The following KCNT2 variants were observed in gnomAD, a reference collection of about 807,000 sequenced individuals.
The protein encoded by KCNT2 is potassium sodium-activated channel subfamily T member 2.
Under a neutral mutation model 153.8 loss-of-function variants are expected in KCNT2, and 67 were observed. The observed-to-expected ratio is 0.44, with a 90% confidence interval of 0.36 to 0.53. The LOEUF (loss-of-function observed/expected upper bound fraction) is 0.53, where lower values mean the gene tolerates loss of function less well. KCNT2 is among the 20% of genes least tolerant of loss of function. KCNT2 has a pLI of 0.00. For synonymous variants in KCNT2, 500 were observed against 458.8 expected (o/e 1.09, Z -1.15); for missense variants, 975 against 1,354.8 (o/e 0.72, Z 4.40).
At chr1:196,408,324 T>C (rs1372567563) in intron 12 of KCNT2, among the ~76,000 whole-genome samples, 1 of 151,602 alleles carries the variant, frequency 6.6e-6, no homozygotes, top group African/African-American at 2.4e-5. Flanking sequence ...TTGCCATCTT[T>C]GGTAGATATT....
intron 1 of KCNT2, among the ~76,000 whole-genome samples, chr1:196,505,915 AT>A: frequency 6.6e-6 from 1 of 152,170 alleles, no homozygotes; most frequent in Non-Finnish European, 1.5e-5. Context: ...AATGCTTGTG[AT>A]TTTTGTACGT....
chr1:196,419,644 A>G (rs1342375710), intron 12 of KCNT2, among the ~76,000 whole-genome samples: 1 of 151,942 alleles, frequency 6.6e-6, no homozygotes, highest in African/African-American at 2.4e-5. Flanking sequence ...TTACTAGACC[A>G]AACTTTTGCC....
At chr1:196,356,190 C>A (rs1007255154) in intron 14 of KCNT2, among the ~76,000 whole-genome samples, 24 of 151,632 alleles carry the variant, frequency 1.6e-4, no homozygotes, top group African/African-American at 5.6e-4. Flanking sequence ...TAATTCTTAC[C>A]ATAACTAAAA....
intron 11 of KCNT2, among the ~76,000 whole-genome samples, chr1:196,424,875 C>G (rs1413773854): frequency 2.0e-5 from 3 of 151,596 alleles, no homozygotes; most frequent in Non-Finnish European, 4.4e-5. Context: ...TAGACAGACA[C>G]ACACACACAC....
intron 22 of KCNT2, among the ~76,000 whole-genome samples, chr1:196,288,439 TAA>T (rs558452543): frequency 2.6e-5 from 4 of 152,192 alleles, no homozygotes; most frequent in African/African-American, 7.2e-5. Flanking sequence ...GGGGAAAAAC[TAA>T]AGTGTTTTTA....
chr1:196,295,293 G>A (rs1336654262), intron 22 of KCNT2, among the ~76,000 whole-genome samples: 3 of 151,716 alleles, frequency 2.0e-5, no homozygotes, highest in African/African-American at 7.3e-5. Context: ...TCTTTCTTGT[G>A]CTTTTATAAA....
chr1:196,243,182 T>G (rs953258058), intron 26 of KCNT2, among the ~76,000 whole-genome samples: 1 of 152,332 alleles, frequency 6.6e-6, no homozygotes, highest in Non-Finnish European at 1.5e-5. Context: ...GCTGAATCCA[T>G]GTTATTGCAT....
At chr1:196,546,467 A>C (rs1419592957) in intron 1 of KCNT2, among the ~76,000 whole-genome samples, 14 of 152,178 alleles carry the variant, frequency 9.2e-5, no homozygotes, top group African/African-American at 3.4e-4. Flanking sequence ...TTATCAACAG[A>C]TGGACACCTT....
intron 14 of KCNT2, among the ~76,000 whole-genome samples, chr1:196,367,257 A>G (rs1316716872): frequency 6.6e-6 from 1 of 152,190 alleles, no homozygotes. Flanking sequence ...TAACTATACC[A>G]TAGGTATACG....
At chr1:196,411,142 C>T (rs1204839562) in intron 12 of KCNT2, among the ~76,000 whole-genome samples, 14 of 142,386 alleles carry the variant, frequency 9.8e-5, no homozygotes, top group African/African-American at 3.4e-4. Flanking sequence ...TCCTACCTCC[C>T]TTCCTTCCTT....
At chr1:196,297,753 T>C (rs1236728980) in intron 22 of KCNT2, among the ~76,000 whole-genome samples, 1 of 152,164 alleles carries the variant, frequency 6.6e-6, no homozygotes, top group Non-Finnish European at 1.5e-5. Flanking sequence ...AGCACCAAAC[T>C]CCCACTCAGC....
intron 13 of KCNT2, among the ~76,000 whole-genome samples, chr1:196,391,560 A>G (rs949544628): frequency 1.3e-5 from 2 of 151,390 alleles, no homozygotes; most frequent in Non-Finnish European, 3.0e-5. Context: ...ACAAAAGATT[A>G]TTTTAGTTAA....
chr1:196,385,236 T>G (rs958036893), intron 13 of KCNT2, among the ~76,000 whole-genome samples: 5 of 152,094 alleles, frequency 3.3e-5, no homozygotes, highest in Non-Finnish European at 7.4e-5. Context: ...ATCAGCAGAT[T>G]CCAAAAATAA....
intron 13 of KCNT2, among the ~76,000 whole-genome samples, chr1:196,376,862 C>T (rs554148793): frequency 4.3e-4 from 66 of 152,078 alleles, no homozygotes; most frequent in Admixed American, 2.6e-3. Flanking sequence ...CACATAAACA[C>T]TGTCACAAGT....
chr1:196,426,679 A>T (rs1365850315), intron 10 of KCNT2, among the ~76,000 whole-genome samples: 1 of 151,906 alleles, frequency 6.6e-6, no homozygotes, highest in Non-Finnish European at 1.5e-5. Context: ...TCTGGAGTTT[A>T]AATAATTCTC....
At chr1:196,386,848 A>G (rs1572259476) in intron 13 of KCNT2, among the ~76,000 whole-genome samples, 1 of 152,216 alleles carries the variant, frequency 6.6e-6, no homozygotes, top group South Asian at 2.1e-4. Flanking sequence ...TATGAATGAA[A>G]GTGGCTTTAT....
intron 17 of KCNT2, among the ~76,000 whole-genome samples, chr1:196,333,160 C>G (rs1339000643): frequency 6.6e-6 from 1 of 150,594 alleles, no homozygotes; most frequent in African/African-American, 2.4e-5. Context: ...TAAAGTGGAA[C>G]TGGCATGGCA....
intron 8 of KCNT2, among the ~76,000 whole-genome samples, chr1:196,459,541 T>C (rs1676971152): frequency 6.6e-6 from 1 of 151,798 alleles, no homozygotes; most frequent in South Asian, 2.1e-4. Context: ...CAGTTGCTAG[T>C]TCTGTAACCA....
chr1:196,263,846 C>A (rs1040543818), intron 25 of KCNT2, among the ~76,000 whole-genome samples: 1 of 152,122 alleles, frequency 6.6e-6, no homozygotes, highest in East Asian at 1.9e-4. Context: ...TGTTATATTT[C>A]TGGTTATTTC....
Sources: allele counts gnomAD v4.1 joint callset (sites outside exome capture counted in the v4.1 genomes callset), GRCh38; gene constraint gnomAD v4.1.1; transcripts MANE v1.5; gene names NCBI Gene and HGNC (gene_info 2026-07-23, HGNC 2026-07-21).